The following APC2 variants were observed in gnomAD, a reference collection of about 807,000 sequenced individuals.
The protein encoded by APC2 is APC regulator of Wnt signaling pathway 2.
Under a neutral mutation model 72.5 loss-of-function variants are expected in APC2, and 41 were observed. The observed-to-expected ratio is 0.57, with a 90% CI of 0.44 to 0.73. The LOEUF (loss-of-function observed/expected upper bound fraction) is 0.73, where lower values mean the gene tolerates loss of function less well. Ranked by LOEUF, APC2 falls within the 30% of genes least tolerant of loss-of-function variation. APC2 has a pLI of 0.00. For missense variants in APC2, 3,729 were observed against 3,403.4 expected, an observed-to-expected ratio of 1.10 and a Z score of -2.38; for synonymous variants, 1,898 against 1,612.0, an observed-to-expected ratio of 1.18 and a Z score of -4.25.
At position 1,460,794 on chromosome 19, in the gene APC2, G is replaced by A. The variant is rs561118323; in HGVS notation, c.1458G>A (p.Ala486=). 5.2e-5 allele frequency: 84 copies of A among 1,612,992 alleles called. No individual in the cohort carries two copies. The highest frequency in any genetic ancestry group is 1.6e-4 in the Middle Eastern group (1 of 6,080). The change falls in exon 12 of 15, where the codon GCG becomes GCA. Residue 486 remains alanine (A), a synonymous_variant. Transcript: ENST00000590469. ...GDVANKATLC[A]RRGCMEAIVA... is the part of the protein sequence containing the mutation. ...ACCCCCAACAGGCCACCCTGTGTGCGCGCCGCGGCTGCATGGAGGCCATCG... is the reference window on the plus strand; with the variant it reads ...ACCCCCAACAGGCCACCCTGTGTGCACGCCGCGGCTGCATGGAGGCCATCG...
chr19:1,454,364 C>CTTTTTTTTTTTTTT (rs11305729), intron 4 of APC2, among the ~76,000 whole-genome samples: 2 of 142,878 alleles, frequency 1.4e-5, no homozygotes, highest in Non-Finnish European at 3.1e-5. Context: ...ATTGCTTTCT[C>CTTTTTTTTTTTTTT]TTTTTTTTTT....
intron 8 of APC2, 104 bp from the exon 9 acceptor site, chr19:1,456,749 G>T (rs1376021226): frequency 1.4e-6 from 2 of 1,382,050 alleles, no homozygotes; most frequent in Admixed American, 5.4e-5. Context: ...GGTGGGCGTG[G>T]GGCTGCCCTT....
intron 11 of APC2, 71 bp downstream of exon 11, chr19:1,460,391 T>C (rs2083903970): frequency 6.3e-7 from 1 of 1,598,058 alleles, no homozygotes; most frequent in East Asian, 2.2e-5. Flanking sequence ...TCCTTCCAAC[T>C]CATCCCAGCC....
upstream of APC2, chr19:1,450,114 C>T: frequency 1.0e-6 from 1 of 983,942 alleles, no homozygotes; most frequent in South Asian, 4.7e-5. Flanking sequence ...CGCATCCTCC[C>T]CCGCTCGCGG....
chr19:1,461,562 A>G (rs552854151), intron 13 of APC2: 19 of 307,092 alleles, frequency 6.2e-5, no homozygotes, highest in Non-Finnish European at 9.8e-5. Context: ...CAAAAAAACA[A>G]CCTCACTGGG....
rs756623586 is a variant in APC2 at position 1,466,349 on chromosome 19, C to G, written c.3048C>G (p.Leu1016=). 6.4e-7 allele frequency: 1 copy of G among 1,561,046 alleles called. No individual in the cohort carries two copies. Among genetic ancestry groups the G allele is most frequent in the Non-Finnish European group, 8.6e-7 (1 of 1,156,652 alleles). ...CCTCAAGGGCGGGTGCAGAGCCCCT[C>G]GCGGGGCCTGGAATCTCTCCAGGGG... The part of the protein sequence containing the change: ...EGASRAGAEP[L]AGPGISPGAR... The change falls in exon 15 of 15, where the codon CTC becomes CTG. Residue 1016 remains leucine (L), a synonymous_variant. Coordinates refer to ENST00000590469, the MANE Select transcript of APC2 (RefSeq NM_005883.3).
intron 10 of APC2, among the ~76,000 whole-genome samples, chr19:1,458,976 G>A (rs746729589): frequency 6.6e-6 from 1 of 151,696 alleles, no homozygotes; most frequent in South Asian, 2.1e-4. Context: ...GAGCCACCAC[G>A]CCCGGCCACT....
chr19:1,453,130 G>A lies in APC2; in HGVS notation c.129G>A (p.Thr43=), dbSNP rs769872545. Residue 43 remains threonine, a synonymous_variant, in exon 2 of 15, where the codon ACG becomes ACA. Coordinates refer to ENST00000590469, the MANE Select transcript of APC2 (RefSeq NM_005883.3). ...SSHLSKLETE[T]SGMKEVLKHL... ...ACCTGTCCAAGCTGGAGACAGAGAC[G>A]TCGGGCATGAAGGTGGGGGCCTACA... 26 of 1,603,522 alleles carry A rather than the reference G, an allele frequency of 1.6e-5. No individual in the cohort carries two copies. Among genetic ancestry groups the A allele is most frequent in the African/African-American group, 1.3e-4 (10 of 74,776 alleles).
At chr19:1,457,895 C>CGGGGAGGGGGGGGG (rs71174372) in intron 9 of APC2, 70 bp from the exon 10 acceptor site, 1 of 1,233,430 alleles carries the variant, frequency 8.1e-7, no homozygotes. Flanking sequence ...GGGCGGGTTG[C>CGGGGAGGGGGGGGG]GGGACCTTCG....
At position 1,466,515 on chromosome 19, in the gene APC2, T is replaced by C. The variant is rs1459578761; in HGVS notation, c.3214T>C (p.Ser1072Pro). 1 of 1,595,608 alleles carries C rather than the reference T, an allele frequency of 6.3e-7. No homozygotes were observed. Among genetic ancestry groups the C allele is most frequent in the Admixed American group, 1.7e-5 (1 of 59,718 alleles). Residue 1072 changes from serine to proline, a missense_variant, in exon 15 of 15, where the codon TCC becomes CCC. Physicochemically the swap from Ser to Pro is moderately conservative, Grantham distance 74 (BLOSUM62 -1). Transcript: ENST00000590469. The stretch of plus-strand genomic sequence containing the variant: ...GCCACTCTCGCTGTCCCGATGCAGC[T>C]CCCTTTCCTCGCTGTCCTCGGCCGG... Reference protein sequence around the residue: ...EGPLSLSRCSSLSSLSSAGRP... With the variant: ...EGPLSLSRCSPLSSLSSAGRP...
chr19:1,472,128 C>T lies in APC2; in HGVS notation c.*1915C>T, dbSNP rs1012836032. ...CAGGCTGAGTGGGGCGACCTCCTGC[C>T]TGCCAGGAGCCCCCTTTCAGGACAC... is the stretch of plus-strand genomic sequence containing the variant. On this transcript the variant is annotated 3_prime_UTR_variant, in exon 15 of 15. Transcript: ENST00000590469. The T allele has an allele frequency of 6.6e-6, 1 of 152,256 alleles. No individual in the cohort carries two copies. The highest frequency in any genetic ancestry group is 1.5e-5 in the Non-Finnish European group (1 of 68,074). 9.4% of individuals were successfully genotyped at this position (152,256 alleles called of 1,614,324 possible).
upstream of APC2, chr19:1,450,118 C>T (rs2083725505): frequency 2.0e-6 from 2 of 984,292 alleles, no homozygotes; most frequent in African/African-American, 3.5e-5. Flanking sequence ...TCCTCCCCCG[C>T]TCGCGGTGGT....
In APC2 at chr19:1,468,076, C is replaced by G. The variant is rs1568182808; in HGVS notation, c.4775C>G (p.Ser1592Trp). 3 of 1,552,916 alleles carry G rather than the reference C, an allele frequency of 1.9e-6. No homozygotes were observed. Among genetic ancestry groups the G allele is most frequent in the Non-Finnish European group, 1.7e-6 (2 of 1,159,182 alleles). ...SASSLSEPEP[S>W]EPPAVHPRGR... ...AGCTCCCTCAGCGAGCCCGAGCCCT[C>G]GGAGCCGCCGGCCGTCCATCCACGA... Residue 1592 changes from serine (S) to tryptophan (W), a missense_variant, in exon 15 of 15, where the codon TCG (serine) becomes TGG (tryptophan). Coordinates refer to ENST00000590469, the MANE Select transcript of APC2 (RefSeq NM_005883.3).
Position 1,469,985 on chromosome 19 carries a change from C to T in APC2, c.6684C>T (p.Ser2228=). 1 of 1,527,126 alleles carries T rather than the reference C, an allele frequency of 6.5e-7. No individual in the cohort carries two copies. Among genetic ancestry groups the T allele is most frequent in the South Asian group, 1.2e-5 (1 of 83,612 alleles). The allele number at this position is 1,527,126 out of a possible 1,614,324, so 94.6% of individuals were successfully genotyped here. A position where few individuals can be genotyped will look rare whatever the true frequency, so the allele number is the denominator to read the frequency against. Residue 2228 remains serine, a synonymous_variant, in exon 15 of 15, where the codon AGC becomes AGT. Transcript: ENST00000590469. Reference sequence around the variant, plus strand: ...GCGGCCAGCTCTCCCTCCTCGGCAGCGACGTGGACGGTCCCAGCCTCGCCA... The same window carrying T: ...GCGGCCAGCTCTCCCTCCTCGGCAGTGACGTGGACGGTCCCAGCCTCGCCA... ...PAGGQLSLLG[S]DVDGPSLAKA... is the part of the protein sequence containing the mutation.
rs755456142 is a variant in APC2 at position 1,462,182 on chromosome 19, GCCCCCACC to G, written c.1853+15_1853+22del. 13 of 1,536,250 alleles carry G rather than the reference GCCCCCACC, an allele frequency of 8.5e-6. No individual in the cohort carries two copies. The highest frequency in any genetic ancestry group is 2.4e-5 in the South Asian group (2 of 82,898). ...CGCCACCCGTGAGGACTACAGGTCG[GCCCCCACC>G]CCCCCACCCGCACACAGGCAGCTGC... On this transcript the variant is annotated splice_donor_region_variant and intron_variant, in intron 14 of 14. Transcript: ENST00000590469.
Position 1,469,831 on chromosome 19 carries a change from C to T in APC2, c.6530C>T (p.Ala2177Val). The T allele has an allele frequency of 6.6e-7, 1 of 1,520,788 alleles. No homozygotes were observed. Among genetic ancestry groups the T allele is most frequent in the Non-Finnish European group, 8.8e-7 (1 of 1,141,300 alleles). 94.2% of individuals were successfully genotyped at this position (1,520,788 alleles called of 1,614,324 possible). The change falls in exon 15 of 15, where the codon GCC becomes GTC. Residue 2177 changes from alanine to valine, a missense_variant. Transcript: ENST00000590469. ...LPLRGSTPED[A>V]PAGPPPRKTS... ...CTGCGGGGCTCCACGCCCGAGGACGCCCCGGCCGGGCCCCCGCCGCGCAAG... is the reference window on the plus strand; with the variant it reads ...CTGCGGGGCTCCACGCCCGAGGACGTCCCGGCCGGGCCCCCGCCGCGCAAG...
In APC2 at chr19:1,473,071, G is replaced by A. The variant is rs1378646369; in HGVS notation, c.*2858G>A. On this transcript the variant is annotated 3_prime_UTR_variant, in exon 15 of 15. Transcript: ENST00000590469. ...GCGCCTGGTCTGTCTGATTCCCCTA[G>A]CCGCCACCCCACGTTTCTGTACCGG... 2.6e-5 allele frequency: 4 copies of A among 152,304 alleles called. No homozygotes were observed. The highest frequency in any genetic ancestry group is 1.3e-4 in the Admixed American group (2 of 15,288). The allele number at this position is 152,304 out of a possible 1,614,324, so 9.4% of individuals were successfully genotyped here.
Position 1,456,731 on chromosome 19 carries a change from G to T in APC2, c.817-122G>T, listed in dbSNP as rs3896893. The T allele has an allele frequency of 0.52, 647,378 of 1,252,856 alleles. 171,766 individuals are homozygous for T. Among genetic ancestry groups the T allele is most frequent in the East Asian group, 0.7 (26,718 of 38,336 alleles). 77.6% of individuals were successfully genotyped at this position (1,252,856 alleles called of 1,614,324 possible). ...GCAGCCTCCTAGCGTCCCCTCATCT[G>T]TCCCCCAGGTGGGCGTGGGGCTGCC... On this transcript the variant is annotated intron_variant, in intron 8 of 14. Coordinates refer to ENST00000590469, the MANE Select transcript of APC2 (RefSeq NM_005883.3).
In APC2 at chr19:1,465,475, C is replaced by T. The variant is rs1237483505; in HGVS notation, c.2174C>T (p.Ala725Val). 11 of 1,528,730 alleles carry T rather than the reference C, an allele frequency of 7.2e-6. No individual in the cohort carries two copies. The highest frequency in any genetic ancestry group is 1.2e-5 in the South Asian group (1 of 83,436). The allele number at this position is 1,528,730 out of a possible 1,614,324, so 94.7% of individuals were successfully genotyped here. A position where few individuals can be genotyped will look rare whatever the true frequency, so the allele number is the denominator to read the frequency against. The part of the protein sequence containing the change: ...VPSLYVRKQR[A>V]LEAELDARHL... ...AGCCTGTACGTGCGCAAGCAGCGGG[C>T]GCTGGAGGCCGAGCTGGACGCACGG... Residue 725 changes from alanine (A) to valine (V), a missense_variant, in exon 15 of 15, where the codon GCG (alanine) becomes GTG (valine). By Grantham distance (64) the Ala-to-Val change is moderately conservative. Transcript: ENST00000590469.
Sources: gnomAD v4.1 joint callset for allele counts (sites outside exome capture counted in the v4.1 genomes callset) on GRCh38, gnomAD v4.1.1 for gene constraint, MANE v1.5 for transcripts, NCBI Gene and HGNC (gene_info 2026-07-23, HGNC 2026-07-21) for gene names.